Variants in SPSB4 observed in about 807,000 individuals in gnomAD.
SPSB4 encodes SPRY domain-containing SOCS box protein 4.
Under a neutral mutation model 20.9 loss-of-function variants are expected in SPSB4, and 21 were observed. The ratio of observed to expected loss-of-function variants is 1.01; its 90% CI spans 0.71 to 1.45. The LOEUF (loss-of-function observed/expected upper bound fraction) is 1.45, where lower values mean the gene tolerates loss of function less well. Ranked by LOEUF, SPSB4 falls within the 40% of genes most tolerant of loss-of-function variation. The pLI, the probability that SPSB4 is intolerant of heterozygous loss-of-function variation, is 0.00. For missense variants in SPSB4, 399 were observed against 399.2 expected (o/e 1.00, Z 0.00); for synonymous variants, 207 against 183.8 (o/e 1.13, Z -1.02).
intron 1 of SPSB4, among the ~76,000 whole-genome samples, chr3:141,064,485 G>C (rs1211863019): frequency 6.6e-6 from 1 of 152,218 alleles, no homozygotes. Flanking sequence ...CTGAAGCTGG[G>C]ATCTGACAAT....
intron 2 of SPSB4, among the ~76,000 whole-genome samples, chr3:141,120,881 C>T (rs374658644): frequency 1.3e-5 from 2 of 152,038 alleles, no homozygotes; most frequent in Non-Finnish European, 2.9e-5. Flanking sequence ...CCAGTCTGTG[C>T]CTTTTAATTG....
intron 2 of SPSB4, among the ~76,000 whole-genome samples, chr3:141,146,646 T>C (rs960324949): frequency 2.2e-4 from 33 of 151,618 alleles, no homozygotes; most frequent in East Asian, 3.9e-4. Flanking sequence ...TGGTGGCGGG[T>C]GCCTGTAGTC....
intron 2 of SPSB4, among the ~76,000 whole-genome samples, chr3:141,114,247 G>A (rs958709237): frequency 6.6e-6 from 1 of 152,158 alleles, no homozygotes; most frequent in Non-Finnish European, 1.5e-5. Context: ...CAATCGCCCT[G>A]AGCATGGCCC....
chr3:141,143,065 C>G (rs1939362196), intron 2 of SPSB4, among the ~76,000 whole-genome samples: 2 of 152,040 alleles, frequency 1.3e-5, no homozygotes, highest in African/African-American at 2.4e-5. Context: ...ATCTGCCCAC[C>G]TTGGCCACCC....
At chr3:141,126,309 T>C (rs1470636611) in intron 2 of SPSB4, among the ~76,000 whole-genome samples, 1 of 152,146 alleles carries the variant, frequency 6.6e-6, no homozygotes, top group Non-Finnish European at 1.5e-5. Context: ...TGGCATTCAC[T>C]GCAGCAGCCC....
At chr3:141,094,624 T>C (rs1229388296) in intron 2 of SPSB4, among the ~76,000 whole-genome samples, 3 of 152,162 alleles carry the variant, frequency 2.0e-5, no homozygotes, top group African/African-American at 7.2e-5. Context: ...TGGGCCTTTT[T>C]TTAACCACCC....
intron 2 of SPSB4, among the ~76,000 whole-genome samples, chr3:141,141,939 T>C (rs1480732483): frequency 3.3e-5 from 5 of 152,202 alleles, no homozygotes; most frequent in South Asian, 2.1e-4. Flanking sequence ...TCTCTTGTCT[T>C]TTCTTGGTTA....
chr3:141,063,021 A>T (rs1374153563), intron 1 of SPSB4, among the ~76,000 whole-genome samples: 9 of 152,224 alleles, frequency 5.9e-5, no homozygotes, highest in Non-Finnish European at 1.2e-4. Context: ...GCCCCTCCTT[A>T]TATTTCCTCT....
intron 2 of SPSB4, among the ~76,000 whole-genome samples, chr3:141,074,509 C>T (rs1938065576): frequency 6.6e-6 from 1 of 152,104 alleles, no homozygotes; most frequent in African/African-American, 2.4e-5. Flanking sequence ...GTCTTGGACT[C>T]GTTTCTCTCT....
intron 2 of SPSB4, among the ~76,000 whole-genome samples, chr3:141,093,121 GGTGGT>G (rs753322977): frequency 8.1e-4 from 124 of 152,192 alleles, no homozygotes; most frequent in Middle Eastern, 6.8e-3. Flanking sequence ...GATGGGAAGA[GGTGGT>G]GGAAGATGGG....
intron 1 of SPSB4, among the ~76,000 whole-genome samples, chr3:141,056,083 A>G (rs767191016): frequency 6.6e-6 from 1 of 152,222 alleles, no homozygotes; most frequent in African/African-American, 2.4e-5. Context: ...GGTAGGCAGG[A>G]AGACATTGGA....
intron 2 of SPSB4, among the ~76,000 whole-genome samples, chr3:141,136,144 T>C (rs1250437753): frequency 1.3e-5 from 2 of 152,252 alleles, no homozygotes; most frequent in Non-Finnish European, 2.9e-5. Flanking sequence ...ATGTCTTCTT[T>C]TGAGAAGGGT....
chr3:141,129,356 G>A (rs1435090337), intron 2 of SPSB4, among the ~76,000 whole-genome samples: 2 of 152,218 alleles, frequency 1.3e-5, no homozygotes, highest in Non-Finnish European at 2.9e-5. Context: ...CAGATGTTGG[G>A]ATTACAGTTC....
intron 2 of SPSB4, among the ~76,000 whole-genome samples, chr3:141,083,893 C>G (rs72980185): frequency 0.041 from 6,302 of 152,168 alleles, 422 homozygotes; most frequent in African/African-American, 0.14. Flanking sequence ...TACCTCCCTC[C>G]CCTCTGAACT....
intron 2 of SPSB4, among the ~76,000 whole-genome samples, chr3:141,098,865 A>G (rs574584282): frequency 3.9e-5 from 6 of 152,312 alleles, no homozygotes; most frequent in Admixed American, 3.9e-4. Flanking sequence ...TAAAGACAGA[A>G]GTTTATTTGT....
chr3:141,062,397 G>A (rs1236951393), intron 1 of SPSB4, among the ~76,000 whole-genome samples: 1 of 151,812 alleles, frequency 6.6e-6, no homozygotes. Context: ...TATTGATTTT[G>A]TTTTGTTTTT....
At chr3:141,091,182 C>T (rs1938443140) in intron 2 of SPSB4, among the ~76,000 whole-genome samples, 1 of 152,172 alleles carries the variant, frequency 6.6e-6, no homozygotes, top group Non-Finnish European at 1.5e-5. Flanking sequence ...TTTAAAATAG[C>T]CATGATGTAG....
At chr3:141,134,994 T>C (rs1370010800) in intron 2 of SPSB4, among the ~76,000 whole-genome samples, 1 of 151,750 alleles carries the variant, frequency 6.6e-6, no homozygotes. Context: ...TATATACACA[T>C]GTAATCACCA....
intron 2 of SPSB4, among the ~76,000 whole-genome samples, chr3:141,116,583 T>A (rs1043834013): frequency 6.6e-6 from 1 of 152,228 alleles, no homozygotes; most frequent in South Asian, 2.1e-4. Context: ...ACCACTTAAC[T>A]GTGACCTTGA....
Sources: gnomAD v4.1 joint callset for allele counts (sites outside exome capture counted in the v4.1 genomes callset) on GRCh38, gnomAD v4.1.1 for gene constraint, MANE v1.5 for transcripts, NCBI Gene and HGNC (gene_info 2026-07-23, HGNC 2026-07-21) for gene names.